Variants in MAST2 observed in about 807,000 individuals in gnomAD.
MAST2 encodes microtubule associated serine/threonine kinase 2, also known as microtubule-associated serine/threonine-protein kinase 2.
MAST2 carries 70 observed loss-of-function variants against 147.4 expected under a neutral mutation model. The observed-to-expected ratio is 0.47, with a 90% CI of 0.39 to 0.58. MAST2 has a LOEUF of 0.58. Ranked by LOEUF, MAST2 falls within the 20% of genes least tolerant of loss-of-function variation. MAST2 has a pLI of 0.00. For synonymous variants in MAST2, 869 were observed against 896.8 expected (o/e 0.97, Z 0.55); for missense variants, 2,080 against 2,302.3 (o/e 0.90, Z 1.98).
At chr1:45,834,477 T>A (rs1007457922) in intron 3 of MAST2, among the ~76,000 whole-genome samples, 4 of 152,232 alleles carry the variant, frequency 2.6e-5, no homozygotes, top group Admixed American at 6.5e-5. Flanking sequence ...TCCCCATATA[T>A]GTAGGAACCA....
rs67194773 is a variant in MAST2, at chr1:45,933,225, T to TA, written c.501-26150dup. The stretch of plus-strand genomic sequence containing the variant: ...GCAACAGAGCAAGACCCTGTCTCTT[T>TA]AAAAAAAAAAAGCGGGGGGGTTGGG... On this transcript the variant is annotated intron_variant, in intron 4 of 28. Coordinates refer to ENST00000361297, the MANE Select transcript of MAST2 (RefSeq NM_015112.3). Among the ~76,000 whole-genome samples, 195 of 32,168 alleles carry TA rather than the reference T, an allele frequency of 6.1e-3. 1 individual carries two copies. The highest frequency in any genetic ancestry group is 7.8e-3 in the Non-Finnish European group (128 of 16,342). The allele number at this position is 32,168 out of a possible 152,430, so 21.1% of individuals were successfully genotyped here.
intron 3 of MAST2, chr1:45,847,512 T>A: frequency 1.2e-6 from 1 of 802,098 alleles, no homozygotes; most frequent in Non-Finnish European, 2.0e-6. Context: ...TTTTTCTTAT[T>A]TGTGGGCCTC....
In MAST2 at chr1:46,032,824, C is replaced by T. The variant is rs1438002992; in HGVS notation, c.3537+106C>T. On this transcript the variant is annotated intron_variant, in intron 26 of 28. Coordinates refer to ENST00000361297, the MANE Select transcript of MAST2 (RefSeq NM_015112.3). ...GAGTTGGGTGCACACACATCTACAC[C>T]GAGTATGGATGTAGGTACACACAGG... 1.1e-5 allele frequency: 16 copies of T among 1,441,998 alleles called. No homozygotes were observed. In the Admixed American group the frequency reaches 1.2e-4, roughly 11 times the overall value. 89.3% of individuals were successfully genotyped at this position (1,441,998 alleles called of 1,614,324 possible). A position where few individuals can be genotyped will look rare whatever the true frequency, so the allele number is the denominator to read the frequency against.
Position 46,021,936 on chromosome 1 carries a change from C to T in MAST2, c.1291-14C>T, listed in dbSNP as rs768418088. 81 of 1,613,696 alleles carry T rather than the reference C, an allele frequency of 5.0e-5. No homozygotes were observed. The Middle Eastern group carries it at 1.2e-3, about 23-fold the overall frequency. On this transcript the variant is annotated splice_polypyrimidine_tract_variant and intron_variant, in intron 11 of 28. Transcript: ENST00000361297. ...ATATCTGTCACCACTGACTATCTCT[C>T]TCCCTTGGTACAGGAGTTTGACCCT...
chr1:45,925,062 A>G (rs1654146186), intron 4 of MAST2, among the ~76,000 whole-genome samples: 1 of 152,214 alleles, frequency 6.6e-6, no homozygotes, highest in Admixed American at 6.5e-5. Flanking sequence ...ATTTGGCTGC[A>G]TTGCCCCAGA....
intron 11 of MAST2, among the ~76,000 whole-genome samples, chr1:46,020,350 T>G (rs1336402283): frequency 6.6e-6 from 1 of 151,822 alleles, no homozygotes; most frequent in African/African-American, 2.4e-5. Context: ...GAGCATTCAG[T>G]GGGGCACAGG....
At chr1:46,016,735 T>C (rs1320467705) in intron 10 of MAST2, among the ~76,000 whole-genome samples, 1 of 152,188 alleles carries the variant, frequency 6.6e-6, no homozygotes, top group Admixed American at 6.5e-5. Context: ...ATCGTGAAAA[T>C]GGCCATACTG....
At chr1:45,986,038 G>A (rs1454340118) in intron 5 of MAST2, among the ~76,000 whole-genome samples, 1 of 152,160 alleles carries the variant, frequency 6.6e-6, no homozygotes, top group African/African-American at 2.4e-5. Context: ...AAGACAACTT[G>A]CCTATTCCAC....
intron 5 of MAST2, among the ~76,000 whole-genome samples, chr1:45,968,221 A>T (rs1054466996): frequency 6.6e-6 from 1 of 152,236 alleles, no homozygotes; most frequent in Non-Finnish European, 1.5e-5. Context: ...CTTATCTATT[A>T]GACAAATTAA....
At chr1:45,974,513 C>CT (rs2149011117) in intron 5 of MAST2, among the ~76,000 whole-genome samples, 1 of 152,204 alleles carries the variant, frequency 6.6e-6, no homozygotes, top group South Asian at 2.1e-4. Context: ...GGAGGATCAT[C>CT]TGAGTCTGAG....
intron 5 of MAST2, among the ~76,000 whole-genome samples, chr1:45,970,040 T>C (rs887074650): frequency 1.3e-5 from 2 of 152,216 alleles, no homozygotes; most frequent in African/African-American, 4.8e-5. Flanking sequence ...CAAGTAGAGC[T>C]GGCATTGATG....
At chr1:46,015,539 A>G (rs996755017) in intron 10 of MAST2, among the ~76,000 whole-genome samples, 5 of 152,276 alleles carry the variant, frequency 3.3e-5, no homozygotes, top group African/African-American at 1.2e-4. Flanking sequence ...AGAGAATACT[A>G]CAAACATCTC....
chr1:45,873,412 G>T (rs1646478763), intron 3 of MAST2, among the ~76,000 whole-genome samples: 2 of 151,900 alleles, frequency 1.3e-5, no homozygotes, highest in African/African-American at 4.8e-5. Flanking sequence ...TGCTCAGGCT[G>T]GTCTTGAACT....
intron 1 of MAST2, among the ~76,000 whole-genome samples, chr1:45,804,457 T>C (rs4434876): frequency 0.8 from 121,107 of 152,048 alleles, 48,711 homozygotes; most frequent in East Asian, 0.98. Context: ...TATCCTGTTT[T>C]CTAGAGGTTG....
At chr1:45,851,183 C>T (rs984661774) in intron 3 of MAST2, among the ~76,000 whole-genome samples, 1 of 151,950 alleles carries the variant, frequency 6.6e-6, no homozygotes, top group African/African-American at 2.4e-5. Context: ...CTTTTACCTC[C>T]TTGGTTAGAT....
intron 4 of MAST2, among the ~76,000 whole-genome samples, chr1:45,934,640 G>A (rs1655910978): frequency 6.6e-6 from 1 of 152,226 alleles, no homozygotes; most frequent in South Asian, 2.1e-4. Flanking sequence ...GGCCAGGCTG[G>A]TCTCAAACTC....
At chr1:45,837,419 T>A (rs999624401) in intron 3 of MAST2, among the ~76,000 whole-genome samples, 1 of 152,244 alleles carries the variant, frequency 6.6e-6, no homozygotes, top group East Asian at 1.9e-4. Flanking sequence ...CCTCCTGAGA[T>A]TCATCCATGT....
chr1:45,987,000 C>T (rs1287351231), intron 5 of MAST2, among the ~76,000 whole-genome samples: 2 of 151,996 alleles, frequency 1.3e-5, no homozygotes, highest in Non-Finnish European at 2.9e-5. Flanking sequence ...AGCCTCTGAA[C>T]CTAGAATTTG....
chr1:45,959,717 G>C (rs1660136422), intron 5 of MAST2, among the ~76,000 whole-genome samples: 1 of 152,126 alleles, frequency 6.6e-6, no homozygotes. Flanking sequence ...ATATCTTGGG[G>C]CCAGGTATGT....
Sources: allele counts gnomAD v4.1 joint callset (sites outside exome capture counted in the v4.1 genomes callset), GRCh38; gene constraint gnomAD v4.1.1; transcripts MANE v1.5; gene names NCBI Gene and HGNC (gene_info 2026-07-23, HGNC 2026-07-21).